The following MAN2C1 variants were observed in gnomAD, a reference collection of about 807,000 sequenced individuals.
MAN2C1 encodes alpha-mannosidase 2C1.
In MAN2C1, 111 loss-of-function variants were observed where a neutral mutation model predicts 126.9. The ratio of observed to expected loss-of-function variants is 0.87; its 90% CI spans 0.75 to 1.02. The LOEUF (loss-of-function observed/expected upper bound fraction) is 1.02. Ranked by LOEUF, MAN2C1 falls within the 50% of genes least tolerant of loss-of-function variation. The pLI, the probability that MAN2C1 is intolerant of heterozygous loss-of-function variation, is 0.00. For synonymous variants in MAN2C1, 567 were observed against 561.5 expected (o/e 1.01, Z -0.14); for missense variants, 1,363 against 1,364.4 (o/e 1.00, Z 0.02).
chr15:75,365,071 G>T (rs1357180164), intron 4 of MAN2C1, among the ~76,000 whole-genome samples: 1 of 152,220 alleles, frequency 6.6e-6, no homozygotes, highest in Non-Finnish European at 1.5e-5. Context: ...ATTCATTGGA[G>T]AACAGGCTGG....
intron 1 of MAN2C1, 141 bp downstream of exon 1, chr15:75,368,342 C>T: frequency 5.0e-6 from 7 of 1,401,656 alleles, no homozygotes; most frequent in Non-Finnish European, 5.8e-6. Context: ...ATTCCCTACC[C>T]CCTCCTCCCC....
At position 75,356,291 on chromosome 15, in the gene MAN2C1, C is replaced by T. The variant is rs1232139042; in HGVS notation, c.2886+10G>A. On this transcript the variant is annotated intron_variant, in intron 24 of 25. Transcript: ENST00000267978. This position sits in a 1 kb window ranked among gnomAD's most constrained non-coding sequence, Gnocchi z 5.8. Reference sequence around the variant, plus strand: ...TCGGAACCCCGTCCCCAGCACGTCCCACCCCTTGCCTGCTTGACGGTCTCC... The same window carrying T: ...TCGGAACCCCGTCCCCAGCACGTCCTACCCCTTGCCTGCTTGACGGTCTCC... 2 of 1,612,080 alleles carry T rather than the reference C, an allele frequency of 1.2e-6. No individual in the cohort carries two copies. The highest frequency in any genetic ancestry group is 4.5e-5 in the East Asian group (2 of 44,786).
At chr15:75,358,135 T>C in intron 21 of MAN2C1, 66 bp downstream of exon 21, 1 of 1,583,248 alleles carries the variant, frequency 6.3e-7, no homozygotes, top group Non-Finnish European at 8.7e-7. Flanking sequence ...CCCCAGCCTG[T>C]TCCACACAAG....
intron 6 of MAN2C1, chr15:75,363,176 C>T (rs940840527): frequency 4.4e-6 from 2 of 457,408 alleles, no homozygotes; most frequent in South Asian, 1.5e-5. Context: ...GCTGCAGTTC[C>T]TCCCTTACCA....
Position 75,367,569 on chromosome 15 carries a change from T to G in MAN2C1, c.293A>C (p.His98Pro), listed in dbSNP as rs780976257. The G allele has an allele frequency of 6.2e-7, 1 of 1,614,156 alleles. No homozygotes were observed. Among genetic ancestry groups the G allele is most frequent in the Non-Finnish European group, 8.5e-7 (1 of 1,180,032 alleles). The change falls in exon 3 of 26, where the codon CAC becomes CCC. Residue 98 changes from histidine to proline, a missense_variant. By Grantham distance (77) the His-to-Pro change is moderately conservative. Around this residue, in one of 3 missense-constraint regions of MAN2C1, gnomAD observed 628 missense variants for 609.8 expected, o/e 1.03. Coordinates refer to ENST00000267978, the MANE Select transcript of MAN2C1 (RefSeq NM_006715.4). ...TTCTCCATCACTTTCCCAGCAAAGG[T>G]GAACTTCCTGGCCCACCCATGCCTC... ...IPEAWVGQEV[H>P]LCWESDGEGL... is the part of the protein sequence containing the mutation.
Position 75,360,192 on chromosome 15 carries a change from TC to T in MAN2C1, c.1603del (p.Glu535AsnfsTer39). The T allele has an allele frequency of 6.2e-7, 1 of 1,611,014 alleles. No homozygotes were observed. The highest frequency in any genetic ancestry group is 8.5e-7 in the Non-Finnish European group (1 of 1,179,968). On this transcript the variant is annotated frameshift_variant, in exon 14 of 26. Transcript: ENST00000267978. LOFTEE classifies it high-confidence loss of function. ...THAQIKKGNRECERILHDVEL... is the reference protein window; with the variant it reads ...THAQIKKGNRXCERILHDVEL... ...CACGTCGTGCAGGATCCGCTCACAT[TC>T]CCGGTTCCCCTTCTTGATCTGAGCC...
rs1006760567 is a variant in MAN2C1, at chr15:75,359,340, G to C, written c.2034C>G (p.Phe678Leu). 2.5e-6 allele frequency: 4 copies of C among 1,595,064 alleles called. No individual in the cohort carries two copies. The highest frequency in any genetic ancestry group is 2.2e-5 in the East Asian group (1 of 44,706). Residue 678 changes from phenylalanine to leucine, a missense_variant, in exon 17 of 26, where the codon TTC (phenylalanine) becomes TTG (leucine). Phe to Leu is a conservative substitution (Grantham distance 22). Transcript: ENST00000267978. Reference sequence around the variant, plus strand: ...ATGCAGGACTCACCTCTTGCACTACGAACACAGGCTGCTGGGGCAGCAGGG... The same window carrying C: ...ATGCAGGACTCACCTCTTGCACTACCAACACAGGCTGCTGGGGCAGCAGGG... ...LQPLLPQQPVFVVQETDGSVT... is the reference protein window; with the variant it reads ...LQPLLPQQPVLVVQETDGSVT...
In MAN2C1 at chr15:75,364,597, G is replaced by T. The variant is rs1049648204; in HGVS notation, c.491C>A (p.Ala164Asp). The change falls in exon 5 of 26, where the codon GCC (alanine) becomes GAC (aspartate). Residue 164 changes from alanine (A) to aspartate (D), a missense_variant. Ala to Asp is a moderately radical substitution (Grantham distance 126). Transcript: ENST00000267978. ...CTGGAACATCTTCTCAGGGTCAGGG[G>T]CTGCAATCATGCTTCCCTTCCCGGC... ...LGAGKGSMIAAPDPEKMFQLS... is the reference protein window; with the variant it reads ...LGAGKGSMIADPDPEKMFQLS... 7 of 1,613,586 alleles carry T rather than the reference G, an allele frequency of 4.3e-6. No homozygotes were observed. Among genetic ancestry groups the T allele is most frequent in the Admixed American group, 1.7e-5 (1 of 59,976 alleles).
At position 75,362,773 on chromosome 15, in the gene MAN2C1, C is replaced by G; in HGVS notation, c.791-25G>C. ...GCTATACGGGGAGTGAGGTGGAGGA[C>G]AGAGGGAGCAGCAAGGCTGACCAGG... On this transcript the variant is annotated intron_variant, in intron 6 of 25. Transcript: ENST00000267978. This position sits in a 1 kb window ranked among gnomAD's most constrained non-coding sequence, Gnocchi z 4.5. 6.3e-7 allele frequency: 1 copy of G among 1,599,076 alleles called. No individual in the cohort carries two copies. Among genetic ancestry groups the G allele is most frequent in the Non-Finnish European group, 8.6e-7 (1 of 1,166,858 alleles).
chr15:75,358,765 A>C lies in MAN2C1; in HGVS notation c.2185T>G (p.Phe729Val), dbSNP rs745327052. The C allele has an allele frequency of 6.2e-7, 1 of 1,614,088 alleles. No individual in the cohort carries two copies. The highest frequency in any genetic ancestry group is 1.7e-5 in the Admixed American group (1 of 60,010). ...EGAVGNQFVL[F>V]DDVPLYWDAW... is the part of the protein sequence containing the mutation. ...TCCCAGTACAAGGGGACATCATCAA[A>C]TAGCACAAACTGGTTCCCCACGGCG... The change falls in exon 19 of 26, where the codon TTT (phenylalanine) becomes GTT (valine). Residue 729 changes from phenylalanine to valine, a missense_variant. Phe to Val is a conservative substitution (Grantham distance 50). Transcript: ENST00000267978.
Position 75,364,496 on chromosome 15 carries a change from T to C in MAN2C1, c.592A>G (p.Ile198Val), listed in dbSNP as rs929025437. 16 of 1,590,838 alleles carry C rather than the reference T, an allele frequency of 1.0e-5. No individual in the cohort carries two copies. In the Admixed American group the frequency reaches 1.4e-4, roughly 14 times the overall value. Residue 198 changes from isoleucine (I) to valine (V), a missense_variant, in exon 5 of 26, where the codon ATA (isoleucine) becomes GTA (valine). Transcript: ENST00000267978. The part of the protein sequence containing the change: ...LLVDLELLLG[I>V]AKGLGKDNQR... Reference sequence around the variant, plus strand: ...CAGGGGGTGTCAAGTACCTTGGCTATGCCCAGCAGCAGCTCCAGATCCACC... The same window carrying C: ...CAGGGGGTGTCAAGTACCTTGGCTACGCCCAGCAGCAGCTCCAGATCCACC...
chr15:75,357,154 G>T (rs989210307), intron 21 of MAN2C1: 2 of 484,112 alleles, frequency 4.1e-6, no homozygotes, highest in Non-Finnish European at 7.4e-6. Context: ...GTAAAACTTT[G>T]TTTTTTTCAC....
In MAN2C1 at chr15:75,356,800, G is replaced by C. The variant is rs1188126720; in HGVS notation, c.2650C>G (p.Leu884Val). ...GASVRGSILS[L>V]SLLRAPKAPD... ...GGTGGGTACCCCACTTACAGCGAGA[G>C]GCTGAGGATGCTGCCTCGCACTGAC... The change falls in exon 22 of 26, where the codon CTC becomes GTC. Residue 884 changes from leucine to valine, a missense_variant. Physicochemically the swap from Leu to Val is conservative, Grantham distance 32. This residue lies in a region of MAN2C1 where 668 missense variants were observed against 650.1 expected (regional missense o/e 1.03). Transcript: ENST00000267978. This position sits in a 1 kb window ranked among gnomAD's most constrained non-coding sequence, Gnocchi z 5.8. The C allele has an allele frequency of 6.2e-7, 1 of 1,614,082 alleles. No homozygotes were observed. Among genetic ancestry groups the C allele is most frequent in the Non-Finnish European group, 8.5e-7 (1 of 1,180,034 alleles).
Position 75,361,115 on chromosome 15 carries a change from C to G in MAN2C1, c.1391G>C (p.Gly464Ala). The G allele has an allele frequency of 6.2e-7, 1 of 1,613,132 alleles. No individual in the cohort carries two copies. The highest frequency in any genetic ancestry group is 8.5e-7 in the Non-Finnish European group (1 of 1,179,710). ...CATGGTCTGGGTGGGGCCACCACCC[C>G]CATCCCCAAAGCCAAAGAGGAAGGC... ...HSAFLFGFGD[G>A]GGGPTQTMLD... is the part of the protein sequence containing the mutation. Residue 464 changes from glycine to alanine, a missense_variant, in exon 12 of 26, where the codon GGG becomes GCG. Physicochemically the swap from Gly to Ala is moderately conservative, Grantham distance 60. Coordinates refer to ENST00000267978, the MANE Select transcript of MAN2C1 (RefSeq NM_006715.4). This position sits in a 1 kb window ranked among gnomAD's most constrained non-coding sequence, Gnocchi z 5.0.
At position 75,363,175 on chromosome 15, in the gene MAN2C1, C is replaced by T. The variant is rs911707537; in HGVS notation, c.791-427G>A. ...CTCTCCTGACTCCCAGGCTGCAGTT[C>T]CTCCCTTACCAGCCCAGAACCTCTC... On this transcript the variant is annotated intron_variant, in intron 6 of 25. Transcript: ENST00000267978. 2.2e-5 allele frequency: 10 copies of T among 457,278 alleles called. No individual in the cohort carries two copies. The East Asian group carries it at 3.5e-4, about 16-fold the overall frequency. The allele number at this position is 457,278 out of a possible 1,614,324, so 28.3% of individuals were successfully genotyped here.
Position 75,356,853 on chromosome 15 carries a change from G to A in MAN2C1, c.2597C>T (p.Ala866Val), listed in dbSNP as rs377575239. 1.4e-4 allele frequency: 221 copies of A among 1,614,038 alleles called. No homozygotes were observed. Among genetic ancestry groups the A allele is most frequent in the Admixed American group, 2.2e-4 (13 of 60,006 alleles). Residue 866 changes from alanine (A) to valine (V), a missense_variant, in exon 22 of 26, where the codon GCC (alanine) becomes GTC (valine). Coordinates refer to ENST00000267978, the MANE Select transcript of MAN2C1 (RefSeq NM_006715.4). The surrounding 1 kb of genome is among the most constrained non-coding windows in gnomAD (Gnocchi z 5.8). ...MDLSEHGFGL[A>V]LLNDCKYGAS... ...GCCATACTTGCAGTCGTTGAGCAGG[G>A]CCAGCCCAAAGCCGTGTTCTGACAG...
intron 3 of MAN2C1, among the ~76,000 whole-genome samples, chr15:75,366,795 A>G (rs922835864): frequency 2.0e-5 from 3 of 152,220 alleles, no homozygotes; most frequent in Non-Finnish European, 4.4e-5. Flanking sequence ...ACCGTCAAAT[A>G]GCCCCTGTTT....
chr15:75,365,042 C>T (rs976894043), intron 4 of MAN2C1, among the ~76,000 whole-genome samples: 3 of 152,230 alleles, frequency 2.0e-5, no homozygotes, highest in Admixed American at 6.5e-5. Flanking sequence ...AAAACCAACA[C>T]GGCCAACATG....
rs1266848515 is a variant in MAN2C1, at chr15:75,364,471, C to T, written c.600+17G>A. The T allele has an allele frequency of 3.2e-6, 5 of 1,564,006 alleles. No homozygotes were observed. The African/African-American group carries it at 4.1e-5, about 13-fold the overall frequency. Reference sequence around the variant, plus strand: ...GGGCTCTAGAGGGTAGCAGGGGGTACAGGGGGTGTCAAGTACCTTGGCTAT... The same window carrying T: ...GGGCTCTAGAGGGTAGCAGGGGGTATAGGGGGTGTCAAGTACCTTGGCTAT... On this transcript the variant is annotated intron_variant, in intron 5 of 25. Coordinates refer to ENST00000267978, the MANE Select transcript of MAN2C1 (RefSeq NM_006715.4).
Sources: gnomAD v4.1 joint callset for allele counts (sites outside exome capture counted in the v4.1 genomes callset) on GRCh38, gnomAD v4.1.1 for gene constraint, gnomAD v4.1.1 regional missense constraint, Gnocchi (gnomAD v3.1) non-coding constraint, MANE v1.5 for transcripts, NCBI Gene and HGNC (gene_info 2026-07-23, HGNC 2026-07-21) for gene names.